COL4A3: variants seen among roughly 807,000 people sequenced by gnomAD.
COL4A3 encodes the protein collagen alpha-3(IV) chain.
COL4A3 carries 135 observed loss-of-function variants against 217.4 expected under a neutral mutation model. That is an observed-to-expected ratio of 0.62 (90% CI 0.54 to 0.72). COL4A3 has a LOEUF of 0.72. Ranked by LOEUF, COL4A3 falls within the 30% of genes least tolerant of loss-of-function variation. The pLI is 0.00. For synonymous variants in COL4A3, 690 were observed against 736.3 expected (o/e 0.94, Z 1.02); for missense variants, 1,868 against 2,119.9 (o/e 0.88, Z 2.33).
At chr2:227,280,834 A>T in intron 30 of COL4A3, 59 bp from the exon 31 acceptor site, 4 of 1,234,322 alleles carry the variant, frequency 3.2e-6, no homozygotes, top group Non-Finnish European at 4.7e-6. Flanking sequence ...TGACTGGTAC[A>T]GCAATACCAA....
chr2:227,201,379 C>CCAA (rs148094989), intron 1 of COL4A3, among the ~76,000 whole-genome samples: 15,994 of 152,102 alleles, frequency 0.11, 1,072 homozygotes, highest in Admixed American at 0.15. Context: ...ATGCAAAAGC[C>CCAA]CAACACATGT....
At position 227,244,909 on chromosome 2, in the gene COL4A3, T is replaced by TTG. The variant is rs200702001; in HGVS notation, c.280-41_280-40insGT. 0.011 allele frequency: 12,785 copies of TTG among 1,175,116 alleles called. 61 individuals are homozygous for TTG. Among genetic ancestry groups the TTG allele is most frequent in the African/African-American group, 0.063 (3,236 of 51,392 alleles). 72.8% of individuals were successfully genotyped at this position (1,175,116 alleles called of 1,614,324 possible). On this transcript the variant is annotated intron_variant, in intron 4 of 51. Transcript: ENST00000396578. ...GTTTATAGATTGAACATTTTTAAAG[T>TTG]TTTTTTTTTTTGCCACCCCCTCCTT... is the stretch of plus-strand genomic sequence containing the variant.
chr2:227,251,279 G>A, intron 10 of COL4A3, 57 bp from the exon 11 acceptor site: 2 of 1,597,554 alleles, frequency 1.3e-6, no homozygotes, highest in Admixed American at 1.7e-5. Context: ...GTTATTAAAA[G>A]AATTTTTCTG....
chr2:227,202,916 CATATATGTGTATATATGTGTAT>C (rs2066795990), intron 1 of COL4A3, among the ~76,000 whole-genome samples: 1 of 16,038 alleles, frequency 6.2e-5, no homozygotes. Context: ...TGTATATATA[CATATATGTGTATATATGTGTAT>C]ATATGTGTAT....
chr2:227,309,281 G>A lies in COL4A3; in HGVS notation c.4718G>A (p.Gly1573Asp). The A allele has an allele frequency of 6.2e-7, 1 of 1,614,150 alleles. No individual in the cohort carries two copies. Among genetic ancestry groups the A allele is most frequent in the Non-Finnish European group, 8.5e-7 (1 of 1,180,016 alleles). The change falls in exon 50 of 52, where the codon GGC (glycine) becomes GAC (aspartate). Residue 1573 changes from glycine to aspartate, a missense_variant. Physicochemically the swap from Gly to Asp is moderately conservative, Grantham distance 94 (BLOSUM62 -1). Transcript: ENST00000396578. ...QTTDIPPCPH[G>D]WISLWKGFSF... ...ACTGACATTCCTCCATGTCCTCACG[G>A]CTGGATTTCTCTCTGGAAAGGATTT...
intron 1 of COL4A3, among the ~76,000 whole-genome samples, chr2:227,185,088 GA>G (rs2065982751): frequency 1.3e-5 from 2 of 151,968 alleles, no homozygotes; most frequent in South Asian, 4.1e-4. Context: ...TTTTAGTGGA[GA>G]CGGGGTTTCA....
Position 227,254,108 on chromosome 2 carries a change from G to GC in COL4A3, c.766-3dup, listed in dbSNP as rs765971336. 3.1e-6 allele frequency: 5 copies of GC among 1,613,430 alleles called. No individual in the cohort carries two copies. The Admixed American group carries it at 8.3e-5, about 27-fold the overall frequency. On this transcript the variant is annotated splice_polypyrimidine_tract_variant and splice_region_variant and intron_variant, in intron 13 of 51. Transcript: ENST00000396578. ...GTAACAATGTTGAACTGTTTCTTTG[G>GC]CAGGACCTCAAGGGGGAAAAGGGAG...
At chr2:227,307,397 C>T (rs2073552613) in intron 47 of COL4A3, among the ~76,000 whole-genome samples, 1 of 152,132 alleles carries the variant, frequency 6.6e-6, no homozygotes, top group Non-Finnish European at 1.5e-5. Flanking sequence ...TTCATTTATT[C>T]ATAAAAAACA....
chr2:227,237,401 T>A (rs1274364043), intron 1 of COL4A3, among the ~76,000 whole-genome samples: 1 of 152,240 alleles, frequency 6.6e-6, no homozygotes, highest in African/African-American at 2.4e-5. Flanking sequence ...TTGTGGCTTT[T>A]GCCATTGAAA....
intron 2 of COL4A3, among the ~76,000 whole-genome samples, chr2:227,239,764 A>G (rs1357349149): frequency 6.6e-6 from 1 of 152,184 alleles, no homozygotes; most frequent in African/African-American, 2.4e-5. Context: ...ACCTTCTTGC[A>G]CCTGACCCTC....
chr2:227,244,717 C>A (rs1012133045), intron 4 of COL4A3: 2 of 689,678 alleles, frequency 2.9e-6, no homozygotes, highest in South Asian at 1.6e-5. Context: ...CCTTAGGAAT[C>A]GATCCAAAAA....
chr2:227,287,429 C>CAA (rs569885253), intron 34 of COL4A3, among the ~76,000 whole-genome samples: 1 of 126,168 alleles, frequency 7.9e-6, no homozygotes. Flanking sequence ...GACTCCGTCT[C>CAA]AAAAAAAAAA....
intron 19 of COL4A3, chr2:227,260,122 GA>G: frequency 1.5e-6 from 1 of 657,112 alleles, no homozygotes; most frequent in South Asian, 1.4e-5. Context: ...ATCTGTCATG[GA>G]AACATTTGCT....
chr2:227,169,689 C>A (rs989512463), intron 1 of COL4A3, among the ~76,000 whole-genome samples: 8 of 152,110 alleles, frequency 5.3e-5, no homozygotes, highest in African/African-American at 1.7e-4. Context: ...AAAATGTCTT[C>A]TTTTGAGAAG....
intron 1 of COL4A3, among the ~76,000 whole-genome samples, chr2:227,182,544 T>C (rs1305680803): frequency 6.6e-6 from 1 of 152,192 alleles, no homozygotes; most frequent in Non-Finnish European, 1.5e-5. Flanking sequence ...TTTCTAGGTT[T>C]CTTAAAGGCT....
At chr2:227,208,924 C>T (rs1208420096) in intron 1 of COL4A3, among the ~76,000 whole-genome samples, 1 of 151,998 alleles carries the variant, frequency 6.6e-6, no homozygotes, top group Non-Finnish European at 1.5e-5. Context: ...TAAAATTTTC[C>T]TAAAGTTTTC....
intron 15 of COL4A3, 76 bp downstream of exon 15, chr2:227,254,791 A>T (rs1250088136): frequency 6.6e-6 from 7 of 1,055,440 alleles, no homozygotes; most frequent in Non-Finnish European, 8.9e-6. Flanking sequence ...CAGGAACAAG[A>T]TGCCCAACTC....
chr2:227,311,229 A>C (rs557058450), intron 51 of COL4A3, among the ~76,000 whole-genome samples: 3 of 152,246 alleles, frequency 2.0e-5, no homozygotes, highest in Non-Finnish European at 4.4e-5. Flanking sequence ...TTTATTACCA[A>C]AAAGATGATC....
rs780690343 is a variant in COL4A3 at position 227,279,834 on chromosome 2, C to T, written c.2167C>T (p.Pro723Ser). Residue 723 changes from proline (P) to serine (S), a missense_variant, in exon 29 of 52, where the codon CCT (proline) becomes TCT (serine). By Grantham distance (74) the Pro-to-Ser change is moderately conservative. Transcript: ENST00000396578. Reference protein sequence around the residue: ...FPGTKGSLGCPGKMGEPGLPG... With the variant: ...FPGTKGSLGCSGKMGEPGLPG... ...AGGTACAAAAGGATCACTGGGTTGTCCTGGAAAAATGGGAGAGCCTGGGTT... is the reference window on the plus strand; with the variant it reads ...AGGTACAAAAGGATCACTGGGTTGTTCTGGAAAAATGGGAGAGCCTGGGTT... 36 of 1,610,546 alleles carry T rather than the reference C, an allele frequency of 2.2e-5. No individual in the cohort carries two copies. The highest frequency in any genetic ancestry group is 5.0e-5 in the Admixed American group (3 of 59,626).
Sources: gnomAD v4.1 joint callset for allele counts (sites outside exome capture counted in the v4.1 genomes callset) on GRCh38, gnomAD v4.1.1 for gene constraint, MANE v1.5 for transcripts, NCBI Gene and HGNC (gene_info 2026-07-23, HGNC 2026-07-21) for gene names.